Variants in CUBN observed in about 807,000 individuals in gnomAD.
CUBN encodes 460 kDa receptor.
In CUBN, 282 loss-of-function variants were observed where a neutral mutation model predicts 405.3. The observed-to-expected ratio is 0.70, with a 90% CI of 0.63 to 0.77. CUBN has a LOEUF of 0.77. Ranked by LOEUF, CUBN falls within the 30% of genes least tolerant of loss-of-function variation. The pLI is 0.00. For synonymous variants in CUBN, 1,684 were observed against 1,617.0 expected, an observed-to-expected ratio of 1.04 and a Z score of -0.99; for missense variants, 4,514 against 4,475.2, an observed-to-expected ratio of 1.01 and a Z score of -0.25.
At chr10:17,079,033 G>A (rs1002409314) in intron 17 of CUBN, among the ~76,000 whole-genome samples, 1 of 152,006 alleles carries the variant, frequency 6.6e-6, no homozygotes, top group Non-Finnish European at 1.5e-5. Context: ...TCATCTCTCA[G>A]TCTGTTTCCT....
intron 54 of CUBN, among the ~76,000 whole-genome samples, chr10:16,893,811 G>C (rs959698372): frequency 6.6e-6 from 1 of 152,134 alleles, no homozygotes; most frequent in African/African-American, 2.4e-5. Flanking sequence ...AAATAAAGGT[G>C]CTATTTATAT....
rs375963302 is a variant in CUBN at position 16,840,420 on chromosome 10, C to A, written c.9942G>T (p.Pro3314=). 9 of 1,613,848 alleles carry A rather than the reference C, an allele frequency of 5.6e-6. No individual in the cohort carries two copies. Among genetic ancestry groups the A allele is most frequent in the African/African-American group, 1.3e-5 (1 of 74,870 alleles). ...SICTWVIDSP[P]HQQVKITVWA... is the part of the protein sequence containing the mutation. ...ACACAGTTATCTTGACCTGCTGATGCGGAGGGGAATCAATGACCCAAGTAC... is the reference window on the plus strand; with the variant it reads ...ACACAGTTATCTTGACCTGCTGATGAGGAGGGGAATCAATGACCCAAGTAC... The change falls in exon 62 of 67, where the codon CCG becomes CCT. Residue 3314 remains proline (P), a synonymous_variant. Coordinates refer to ENST00000377833, the MANE Select transcript of CUBN (RefSeq NM_001081.4).
At chr10:16,993,478 G>A (rs921747110) in intron 28 of CUBN, among the ~76,000 whole-genome samples, 9 of 151,894 alleles carry the variant, frequency 5.9e-5, no homozygotes, top group Admixed American at 1.3e-4. Context: ...ATACAGATTC[G>A]GGGCATTCAG....
chr10:16,853,665 C>G (rs1425679048), intron 59 of CUBN, among the ~76,000 whole-genome samples: 1 of 152,186 alleles, frequency 6.6e-6, no homozygotes, highest in South Asian at 2.1e-4. Context: ...TCACAGAGGT[C>G]ATATAGGACA....
intron 40 of CUBN, among the ~76,000 whole-genome samples, chr10:16,931,271 A>G (rs1050496342): frequency 1.3e-5 from 2 of 152,152 alleles, no homozygotes; most frequent in South Asian, 2.1e-4. Context: ...CTCAAAAAAA[A>G]AAAAACATCA....
Position 16,984,380 on chromosome 10 carries a change from T to C in CUBN, c.4351-101A>G, listed in dbSNP as rs1211843157. 9 of 1,185,518 alleles carry C rather than the reference T, an allele frequency of 7.6e-6. No homozygotes were observed. The Admixed American group carries it at 1.6e-4, about 21-fold the overall frequency. 73.4% of individuals were successfully genotyped at this position (1,185,518 alleles called of 1,614,324 possible). On this transcript the variant is annotated intron_variant, in intron 29 of 66. Coordinates refer to ENST00000377833, the MANE Select transcript of CUBN (RefSeq NM_001081.4). ...ACCCCCGGCTCCTTGGGTTCTATGATTATTAGAGATTGAAATCTCAGCCTC... is the reference window on the plus strand; with the variant it reads ...ACCCCCGGCTCCTTGGGTTCTATGACTATTAGAGATTGAAATCTCAGCCTC...
Position 16,925,407 on chromosome 10 carries a change from A to T in CUBN, c.6480T>A (p.Asp2160Glu). 3 of 1,613,938 alleles carry T rather than the reference A, an allele frequency of 1.9e-6. No homozygotes were observed. The highest frequency in any genetic ancestry group is 2.5e-6 in the Non-Finnish European group (3 of 1,179,858). Residue 2160 changes from aspartate to glutamate, a missense_variant, in exon 43 of 67, where the codon GAT (aspartate) becomes GAA (glutamate). Coordinates refer to ENST00000377833, the MANE Select transcript of CUBN (RefSeq NM_001081.4). Reference sequence around the variant, plus strand: ...GGGGTCCCAAGGGTGGAGAACAGATATCAGGACCATTTCTTAGCTGGAAAG... The same window carrying T: ...GGGGTCCCAAGGGTGGAGAACAGATTTCAGGACCATTTCTTAGCTGGAAAG... ...GDYLVLRNGP[D>E]ICSPPLGPPG...
intron 32 of CUBN, among the ~76,000 whole-genome samples, chr10:16,952,889 C>T (rs1299362426): frequency 6.6e-6 from 1 of 152,056 alleles, no homozygotes; most frequent in Non-Finnish European, 1.5e-5. Flanking sequence ...GAGGAGGAGG[C>T]CGAGGCTAAA....
intron 14 of CUBN, among the ~76,000 whole-genome samples, chr10:17,099,234 G>T (rs1206731009): frequency 2.0e-5 from 3 of 152,044 alleles, no homozygotes; most frequent in African/African-American, 7.2e-5. Flanking sequence ...TGGGGGCATG[G>T]TATACTGATC....
intron 28 of CUBN, among the ~76,000 whole-genome samples, chr10:16,994,054 G>A (rs1319166169): frequency 3.3e-5 from 5 of 152,220 alleles, no homozygotes; most frequent in Non-Finnish European, 5.9e-5. Context: ...GGAGGGTGCA[G>A]CACACCAACA....
intron 22 of CUBN, among the ~76,000 whole-genome samples, chr10:17,058,274 G>A (rs1483904809): frequency 6.6e-6 from 1 of 152,014 alleles, no homozygotes; most frequent in African/African-American, 2.4e-5. Context: ...GGAACACGAG[G>A]ATCCCTTCTG....
At chr10:16,922,414 C>A (rs2131472389) in intron 43 of CUBN, among the ~76,000 whole-genome samples, 1 of 152,266 alleles carries the variant, frequency 6.6e-6, no homozygotes, top group Non-Finnish European at 1.5e-5. Flanking sequence ...ATTACTCTTT[C>A]ATCTGGTCTC....
At chr10:17,115,024 A>AC (rs1177257915) in intron 7 of CUBN, among the ~76,000 whole-genome samples, 2 of 152,076 alleles carry the variant, frequency 1.3e-5, no homozygotes, top group African/African-American at 4.8e-5. Context: ...CGGGTGGATC[A>AC]CCTGAGGTCA....
rs186517757 is a variant in CUBN at position 16,881,061 on chromosome 10, A to T, written c.8906-3964T>A. Among the ~76,000 whole-genome samples the T allele has an allele frequency of 5.7e-3, 867 of 152,350 alleles. 9 individuals carry two copies. Among genetic ancestry groups the T allele is most frequent in the African/African-American group, 0.02 (823 of 41,572 alleles). ...ACATCAAAAGCTCCACTGGAATTTT[A>T]AAAAATTCAAAGTAGATGAGTTTGA... On this transcript the variant is annotated intron_variant, in intron 56 of 66. Transcript: ENST00000377833.
intron 36 of CUBN, 44 bp downstream of exon 36, chr10:16,947,191 A>G (rs1842808929): frequency 6.2e-7 from 1 of 1,606,086 alleles, no homozygotes; most frequent in African/African-American, 1.3e-5. Context: ...TCTTTCCTAC[A>G]GATTCATTAG....
chr10:16,946,732 G>A (rs888005950), intron 36 of CUBN, among the ~76,000 whole-genome samples: 1 of 152,068 alleles, frequency 6.6e-6, no homozygotes, highest in African/African-American at 2.4e-5. Flanking sequence ...TTGATCTCAA[G>A]TGATCCACCC....
chr10:17,115,415 G>A (rs1836869614), intron 7 of CUBN, 56 bp downstream of exon 7: 3 of 1,609,800 alleles, frequency 1.9e-6, no homozygotes, highest in South Asian at 1.1e-5. Context: ...ATAGGAGGAG[G>A]AGGAGCTACT....
chr10:17,078,845 G>C (rs567440735), intron 17 of CUBN, among the ~76,000 whole-genome samples: 35 of 152,060 alleles, frequency 2.3e-4, no homozygotes, highest in African/African-American at 8.0e-4. Context: ...CCCTCTATTT[G>C]ACCTAGGAAT....
At position 16,899,174 on chromosome 10, in the gene CUBN, C is replaced by T; in HGVS notation, c.8420G>A (p.Gly2807Glu). 6.2e-7 allele frequency: 1 copy of T among 1,613,530 alleles called. No individual in the cohort carries two copies. The highest frequency in any genetic ancestry group is 1.3e-5 in the African/African-American group (1 of 75,028). ...TWNTQTLGCGGIFHSDNGTIR... is the reference protein window; with the variant it reads ...TWNTQTLGCGEIFHSDNGTIR... ...TGTACCATTATCAGAATGAAATATT[C>T]CACCACAACCTGAAATATTGCCATG... is the stretch of plus-strand genomic sequence containing the variant. Residue 2807 changes from glycine to glutamate, a missense_variant, in exon 54 of 67, where the codon GGA becomes GAA. Gly to Glu is a moderately conservative substitution (Grantham distance 98). Coordinates refer to ENST00000377833, the MANE Select transcript of CUBN (RefSeq NM_001081.4).
Sources: gnomAD v4.1 joint callset for allele counts (sites outside exome capture counted in the v4.1 genomes callset) on GRCh38, gnomAD v4.1.1 for gene constraint, MANE v1.5 for transcripts, NCBI Gene and HGNC (gene_info 2026-07-23, HGNC 2026-07-21) for gene names.